The following KIF13A variants were observed in gnomAD, a reference collection of about 807,000 sequenced individuals.
KIF13A encodes kinesin-like protein KIF13A.
In KIF13A, 79 loss-of-function variants were observed where a neutral mutation model predicts 212.2. The ratio of observed to expected loss-of-function variants is 0.37; its 90% CI spans 0.31 to 0.45. KIF13A has a LOEUF of 0.45. KIF13A is among the 20% of genes least tolerant of loss of function. The probability of loss-of-function intolerance (pLI) is 1.00; values close to 1 mark genes in which losing one functional copy is unlikely to be tolerated. For synonymous variants in KIF13A, 789 were observed against 808.6 expected (o/e 0.98, Z 0.41); for missense variants, 1,901 against 2,209.0 (o/e 0.86, Z 2.79).
intron 2 of KIF13A, among the ~76,000 whole-genome samples, chr6:17,977,740 T>C (rs1349756278): frequency 3.3e-5 from 5 of 152,246 alleles, no homozygotes; most frequent in Non-Finnish European, 7.3e-5. Flanking sequence ...CTAGGATACA[T>C]GTGCACAACG....
Position 17,838,829 on chromosome 6 carries a change from T to C in KIF13A, c.831-1246A>G, listed in dbSNP as rs1302954052. ...GAGCTTATTTTTTTGTTTGTTTGTTTTTTGAGATGGAATCTCGCTCTGTCA... is the reference window on the plus strand; with the variant it reads ...GAGCTTATTTTTTTGTTTGTTTGTTCTTTGAGATGGAATCTCGCTCTGTCA... On this transcript the variant is annotated intron_variant, in intron 9 of 38. Transcript: ENST00000259711. This position sits in a 1 kb window ranked among gnomAD's most constrained non-coding sequence, Gnocchi z 4.2. Among the ~76,000 whole-genome samples, 1 of 152,108 alleles carries C rather than the reference T, an allele frequency of 6.6e-6. No individual in the cohort carries two copies. The highest frequency in any genetic ancestry group is 1.5e-5 in the Non-Finnish European group (1 of 68,018).
intron 28 of KIF13A, among the ~76,000 whole-genome samples, chr6:17,784,471 C>T (rs1009283169): frequency 6.6e-6 from 1 of 152,046 alleles, no homozygotes; most frequent in South Asian, 2.1e-4. Flanking sequence ...GCATCAGAAC[C>T]GCCTCAGAGG....
intron 2 of KIF13A, among the ~76,000 whole-genome samples, chr6:17,962,631 C>CAAGT (rs1413941724): frequency 6.6e-6 from 1 of 152,138 alleles, no homozygotes; most frequent in Non-Finnish European, 1.5e-5. Flanking sequence ...GGGCTGTGTG[C>CAAGT]AAGTAAGGCT....
At chr6:17,830,314 T>C (rs114506737) in intron 13 of KIF13A, among the ~76,000 whole-genome samples, 1,895 of 152,316 alleles carry the variant, frequency 0.012, 42 homozygotes, top group African/African-American at 0.043. Flanking sequence ...TTCCAGAGTC[T>C]ATGAGACATG....
intron 17 of KIF13A, chr6:17,815,516 C>A: frequency 3.2e-6 from 1 of 312,454 alleles, no homozygotes; most frequent in South Asian, 2.7e-5. Context: ...TACCACTAGA[C>A]CAGGGAGCCC....
At chr6:17,893,791 A>G (rs1039229081) in intron 3 of KIF13A, among the ~76,000 whole-genome samples, 67 of 151,450 alleles carry the variant, frequency 4.4e-4, no homozygotes, top group African/African-American at 1.4e-3. Flanking sequence ...ATAAATTCAT[A>G]AATAAACATT....
chr6:17,884,597 G>A (rs984882714), intron 3 of KIF13A, among the ~76,000 whole-genome samples: 3 of 152,318 alleles, frequency 2.0e-5, no homozygotes, highest in Middle Eastern at 3.4e-3. Context: ...TTGGTTCTGT[G>A]TCAAAAATAT....
In KIF13A at chr6:17,947,594, C is replaced by T. The variant is rs1313225901; in HGVS notation, c.146+39460G>A. Among the ~76,000 whole-genome samples the T allele has an allele frequency of 1.3e-5, 2 of 151,982 alleles. No individual in the cohort carries two copies. The highest frequency in any genetic ancestry group is 2.9e-5 in the Non-Finnish European group (2 of 67,986). ...CTGTAATCCCAGCACTTTGGGAGGC[C>T]GAGGTGGGTGGATCACCTGAGGTCA... On this transcript the variant is annotated intron_variant, in intron 2 of 38. Coordinates refer to ENST00000259711, the MANE Select transcript of KIF13A (RefSeq NM_022113.6). This position sits in a 1 kb window ranked among gnomAD's most constrained non-coding sequence, Gnocchi z 4.6.
intron 2 of KIF13A, among the ~76,000 whole-genome samples, chr6:17,907,890 A>G (rs1773665673): frequency 6.6e-6 from 1 of 152,190 alleles, no homozygotes; most frequent in East Asian, 1.9e-4. Flanking sequence ...TGGTTTGCGC[A>G]ATGGGAATGA....
At chr6:17,854,956 T>C (rs1158150573) in intron 6 of KIF13A, among the ~76,000 whole-genome samples, 3 of 152,158 alleles carry the variant, frequency 2.0e-5, no homozygotes, top group Non-Finnish European at 4.4e-5. Flanking sequence ...ATCCCTGGGT[T>C]TCACCCTGGG....
intron 16 of KIF13A, among the ~76,000 whole-genome samples, chr6:17,819,124 C>T (rs1167740328): frequency 6.6e-6 from 1 of 151,600 alleles, no homozygotes; most frequent in African/African-American, 2.4e-5. Flanking sequence ...CTCGGCCTCC[C>T]CAGTAGCTGG....
At position 17,851,991 on chromosome 6, in the gene KIF13A, T is replaced by C. The variant is rs377476287; in HGVS notation, c.546A>G (p.Val182=). The C allele has an allele frequency of 1.9e-6, 3 of 1,557,770 alleles. No homozygotes were observed. The highest frequency in any genetic ancestry group is 2.8e-5 in the African/African-American group (2 of 72,418). Residue 182 remains valine, a synonymous_variant, in exon 7 of 39, where the codon GTA becomes GTG. Transcript: ENST00000259711. Reference sequence around the variant, plus strand: ...TGACAGCTAGTTGAGATAAACCATCTACATATGGTCCCAAAACTTTATGTT... The same window carrying C: ...TGACAGCTAGTTGAGATAAACCATCCACATATGGTCCCAAAACTTTATGTT... ...VREHKVLGPY[V]DGLSQLAVTS...
chr6:17,886,739 T>C lies in KIF13A; in HGVS notation c.159+11429A>G, dbSNP rs1287958660. Reference sequence around the variant, plus strand: ...TTCACTTGAACCCGGGAGGTGGAGGTTGCAGTGAGTTAAGATCATGCCATT... The same window carrying C: ...TTCACTTGAACCCGGGAGGTGGAGGCTGCAGTGAGTTAAGATCATGCCATT... On this transcript the variant is annotated intron_variant, in intron 3 of 38. Transcript: ENST00000259711. This position sits in a 1 kb window ranked among gnomAD's most constrained non-coding sequence, Gnocchi z 5.6. Among the ~76,000 whole-genome samples the C allele has an allele frequency of 6.6e-6, 1 of 151,894 alleles. No individual in the cohort carries two copies. Among genetic ancestry groups the C allele is most frequent in the Admixed American group, 6.6e-5 (1 of 15,246 alleles).
Position 17,800,159 on chromosome 6 carries a change from G to A in KIF13A, c.2455-46C>T, listed in dbSNP as rs1464323979. The A allele has an allele frequency of 3.8e-6, 6 of 1,575,074 alleles. No homozygotes were observed. The Admixed American group carries it at 9.0e-5, about 24-fold the overall frequency. On this transcript the variant is annotated intron_variant, in intron 20 of 38. Transcript: ENST00000259711. ...ACCTTAGAGTGAACAGACATCCTGT[G>A]GGCAACCTCGACCCAAGACAGACGT...
rs1759664605 is a variant in KIF13A, at chr6:17,773,441, A to G, written c.4324+37T>C. ...TTTTTCATACTTTTTCTAAGTAATT[A>G]CAAAGAAATATCACTGCAAAATAAT... On this transcript the variant is annotated intron_variant, in intron 36 of 38. Coordinates refer to ENST00000259711, the MANE Select transcript of KIF13A (RefSeq NM_022113.6). The surrounding 1 kb of genome is among the most constrained non-coding windows in gnomAD (Gnocchi z 4.2). The G allele has an allele frequency of 8.3e-7, 1 of 1,200,042 alleles. No homozygotes were observed. Among genetic ancestry groups the G allele is most frequent in the African/African-American group, 1.5e-5 (1 of 66,920 alleles). The allele number at this position is 1,200,042 out of a possible 1,614,324, so 74.3% of individuals were successfully genotyped here.
intron 6 of KIF13A, among the ~76,000 whole-genome samples, chr6:17,852,488 C>G (rs550615095): frequency 6.6e-6 from 1 of 152,160 alleles, no homozygotes; most frequent in Non-Finnish European, 1.5e-5. Context: ...AGCATGACCC[C>G]GGCTTACTAT....
intron 2 of KIF13A, among the ~76,000 whole-genome samples, chr6:17,920,864 A>G (rs2150520402): frequency 8.6e-6 from 1 of 116,646 alleles, no homozygotes; most frequent in Admixed American, 8.8e-5. Context: ...ATAGGGCAGG[A>G]CTATGTCTCA....
intron 19 of KIF13A, among the ~76,000 whole-genome samples, chr6:17,804,906 T>C (rs926093303): frequency 1.3e-5 from 2 of 148,696 alleles, no homozygotes; most frequent in East Asian, 4.2e-4. Flanking sequence ...TGCAGAAGAT[T>C]CCTCTTCAGT....
chr6:17,976,477 C>T (rs182605945), intron 2 of KIF13A, among the ~76,000 whole-genome samples: 89 of 152,340 alleles, frequency 5.8e-4, no homozygotes, highest in African/African-American at 1.9e-3. Flanking sequence ...GCTGGCTGCT[C>T]CGAATGCGGG....
Sources: gnomAD v4.1 joint callset for allele counts (sites outside exome capture counted in the v4.1 genomes callset) on GRCh38, gnomAD v4.1.1 for gene constraint, Gnocchi (gnomAD v3.1) non-coding constraint, MANE v1.5 for transcripts, NCBI Gene and HGNC (gene_info 2026-07-23, HGNC 2026-07-21) for gene names.